The following TENM2 variants were observed in gnomAD, a reference collection of about 807,000 sequenced individuals.
TENM2 encodes teneurin transmembrane protein 2.
In TENM2, 52 loss-of-function variants were observed where a neutral mutation model predicts 245.2. The ratio of observed to expected loss-of-function variants is 0.21; its 90% confidence interval spans 0.17 to 0.27. TENM2 has a LOEUF of 0.27. TENM2 is among the 10% of genes least tolerant of loss of function. TENM2 has a pLI of 1.00. For synonymous variants in TENM2, 1,363 were observed against 1,438.9 expected (o/e 0.95, Z 1.19); for missense variants, 3,046 against 3,666.8 (o/e 0.83, Z 4.37).
the TENM2 span, among the ~76,000 whole-genome samples, chr5:167,201,696 C>T: frequency 6.6e-6 from 1 of 152,080 alleles, no homozygotes; most frequent in Non-Finnish European, 1.5e-5. Flanking sequence ...TCCAGAGGCT[C>T]TTTGTTTAGA....
chr5:167,951,453 A>T (rs2151835267), intron 3 of TENM2, among the ~76,000 whole-genome samples: 1 of 152,276 alleles, frequency 6.6e-6, no homozygotes, highest in East Asian at 1.9e-4. Flanking sequence ...ATAGCAAACT[A>T]CTTTCATTTT....
intron 27 of TENM2, among the ~76,000 whole-genome samples, chr5:168,248,913 G>A (rs1001825390): frequency 2.0e-5 from 3 of 152,170 alleles, no homozygotes; most frequent in Admixed American, 1.3e-4. Flanking sequence ...GAGGTCAGGA[G>A]TTCAAGATCA....
the TENM2 span, among the ~76,000 whole-genome samples, chr5:167,145,577 G>T: frequency 2.0e-5 from 3 of 152,200 alleles, no homozygotes; most frequent in African/African-American, 7.2e-5. Flanking sequence ...GGATTTCACA[G>T]TTAGGGAAGT....
Position 167,948,561 on chromosome 5 carries a change from C to T in TENM2, c.713-4027C>T, listed in dbSNP as rs1018886070. Reference sequence around the variant, plus strand: ...TCCTTCTTCCTAGGACTAAAAGCCACGCAGTACCTAAAAATAAATTCCAGG... The same window carrying T: ...TCCTTCTTCCTAGGACTAAAAGCCATGCAGTACCTAAAAATAAATTCCAGG... On this transcript the variant is annotated intron_variant, in intron 3 of 28. Coordinates refer to ENST00000518659, the Ensembl canonical transcript of TENM2. Among the ~76,000 whole-genome samples, 5 of 152,150 alleles carry T rather than the reference C, an allele frequency of 3.3e-5. 1 individual carries two copies. The highest frequency in any genetic ancestry group is 4.1e-4 in the South Asian group (2 of 4,826).
intron 25 of TENM2, among the ~76,000 whole-genome samples, chr5:168,238,259 GA>G (rs1194676551): frequency 2.8e-5 from 4 of 141,836 alleles, no homozygotes; most frequent in Admixed American, 7.3e-5. Flanking sequence ...GAAAAGAAAA[GA>G]AAAGAAAAGA....
intron 1 of TENM2, among the ~76,000 whole-genome samples, chr5:167,358,966 T>C (rs1035890692): frequency 6.6e-6 from 1 of 152,060 alleles, no homozygotes; most frequent in South Asian, 2.1e-4. Context: ...CTGCGTGTAA[T>C]CCATCAGCAA....
At chr5:167,894,988 A>AGGAAGGAAGGAAGGAAGGAG (rs1277156205) in intron 3 of TENM2, among the ~76,000 whole-genome samples, 22 of 106,368 alleles carry the variant, frequency 2.1e-4, no homozygotes, top group Non-Finnish European at 9.1e-5. Context: ...GAAGGAAGGA[A>AGGAAGGAAGGAAGGAAGGAG]GGAGGGAAGG....
At chr5:167,473,773 T>G (rs1185884562) in intron 2 of TENM2, among the ~76,000 whole-genome samples, 1 of 152,198 alleles carries the variant, frequency 6.6e-6, no homozygotes, top group Non-Finnish European at 1.5e-5. Flanking sequence ...TGTTTCCTTA[T>G]TTAGAAAATT....
At chr5:167,341,184 G>A (rs544023783) in intron 1 of TENM2, among the ~76,000 whole-genome samples, 1 of 152,288 alleles carries the variant, frequency 6.6e-6, no homozygotes, top group African/African-American at 2.4e-5. Context: ...GGTCATGGCA[G>A]GCCCCTGTGA....
At chr5:167,831,485 C>A (rs1397744863) in intron 2 of TENM2, among the ~76,000 whole-genome samples, 2 of 127,802 alleles carry the variant, frequency 1.6e-5, no homozygotes, top group Non-Finnish European at 3.2e-5. Flanking sequence ...GAGTTCAGCA[C>A]TTTTTTTTTT....
chr5:168,068,873 T>G (rs1237345529), intron 7 of TENM2, among the ~76,000 whole-genome samples: 1 of 150,272 alleles, frequency 6.7e-6, no homozygotes, highest in Non-Finnish European at 1.5e-5. Context: ...GTGTGTGTAA[T>G]AAGTGAATCT....
chr5:167,350,931 TATATATATGGGATATATACATATGG>T lies in TENM2; in HGVS notation c.227-24258_227-24234del, dbSNP rs1328377414. On this transcript the variant is annotated intron_variant, in intron 1 of 28. Coordinates refer to ENST00000518659, the Ensembl canonical transcript of TENM2. Reference sequence around the variant, plus strand: ...TATATATGGGATATATACATATGGATATATATATGGGATATATACATATGGATATATATATGGGGTATATACATAT... The same window carrying T: ...TATATATGGGATATATACATATGGATATATATATATGGGGTATATACATAT... 3.0e-3 allele frequency among the ~76,000 whole-genome samples: 239 copies of T among 79,984 alleles called. 20 individuals carry two copies. The highest frequency in any genetic ancestry group is 3.4e-3 in the Non-Finnish European group (124 of 36,274). The allele number at this position is 79,984 out of a possible 152,430, so 52.5% of individuals were successfully genotyped here.
chr5:168,206,011 G>A (rs919229369), intron 19 of TENM2, among the ~76,000 whole-genome samples: 10 of 152,170 alleles, frequency 6.6e-5, no homozygotes, highest in South Asian at 2.1e-4. Flanking sequence ...ATATATTTTC[G>A]AGGTAAATCT....
chr5:167,223,221 A>G, the TENM2 span, among the ~76,000 whole-genome samples: 1 of 152,074 alleles, frequency 6.6e-6, no homozygotes, highest in African/African-American at 2.4e-5. Flanking sequence ...GAAAGATACG[A>G]TACATTGTTG....
chr5:167,129,505 G>T, the TENM2 span, among the ~76,000 whole-genome samples: 1 of 152,146 alleles, frequency 6.6e-6, no homozygotes, highest in Non-Finnish European at 1.5e-5. Flanking sequence ...CCTCCAAATT[G>T]ACCAACTTAG....
intron 7 of TENM2, among the ~76,000 whole-genome samples, chr5:168,062,607 T>C (rs1039068642): frequency 1.3e-5 from 2 of 152,230 alleles, no homozygotes; most frequent in South Asian, 2.1e-4. Context: ...TTATTTATGA[T>C]AGCCAAACAG....
intron 4 of TENM2, among the ~76,000 whole-genome samples, chr5:167,956,838 G>A (rs1434037358): frequency 6.6e-6 from 1 of 152,172 alleles, no homozygotes; most frequent in Non-Finnish European, 1.5e-5. Flanking sequence ...GATCATGGTG[G>A]AGAAGCTTTT....
chr5:167,506,757 T>G (rs1769580901), intron 2 of TENM2, among the ~76,000 whole-genome samples: 2 of 152,198 alleles, frequency 1.3e-5, no homozygotes, highest in African/African-American at 4.8e-5. Context: ...CTTGTTTAAT[T>G]TCTTGTTGCC....
chr5:167,920,770 A>C (rs994471910), intron 3 of TENM2, among the ~76,000 whole-genome samples: 26 of 152,204 alleles, frequency 1.7e-4, no homozygotes, highest in Non-Finnish European at 3.5e-4. Context: ...CTGTGTATTT[A>C]GTGCCATTCA....
Sources: gnomAD v4.1 joint callset for allele counts (sites outside exome capture counted in the v4.1 genomes callset) on GRCh38, gnomAD v4.1.1 for gene constraint, MANE v1.5 for transcripts, NCBI Gene and HGNC (gene_info 2026-07-23, HGNC 2026-07-21) for gene names.